Variants in CACNA2D3 observed in about 807,000 individuals in gnomAD.
CACNA2D3 encodes the protein calcium voltage-gated channel auxiliary subunit alpha2delta 3, also known as voltage-dependent calcium channel subunit alpha-2/delta-3.
CACNA2D3 carries 60 observed loss-of-function variants against 160.6 expected under a neutral mutation model. The ratio of observed to expected loss-of-function variants is 0.37; its 90% CI spans 0.30 to 0.46. The LOEUF is 0.46. Among genes scored for constraint, CACNA2D3 ranks in the 20% least tolerant of loss-of-function variants. CACNA2D3 has a pLI of 1.00. For synonymous variants in CACNA2D3, 558 were observed against 492.9 expected, an observed-to-expected ratio of 1.13 and a Z score of -1.75; for missense variants, 1,205 against 1,365.0, an observed-to-expected ratio of 0.88 and a Z score of 1.85.
At chr3:54,468,294 G>A (rs1700664720) in intron 4 of CACNA2D3, among the ~76,000 whole-genome samples, 1 of 152,200 alleles carries the variant, frequency 6.6e-6, no homozygotes, top group Non-Finnish European at 1.5e-5. Flanking sequence ...AGCTGAAGCA[G>A]AGTAGGGCTT....
In CACNA2D3 at chr3:54,231,955, T is replaced by C. The variant is rs543740050; in HGVS notation, c.205-88487T>C. On this transcript the variant is annotated intron_variant, in intron 2 of 37. Transcript: ENST00000474759. ...GGCCCTTGGCGCAGCTGCCGTTGCT[T>C]GTTCCCACATGGTATGGCTTGGCTC... 2.6e-3 allele frequency among the ~76,000 whole-genome samples: 394 copies of C among 152,326 alleles called. 3 individuals are homozygous for C. Among genetic ancestry groups the C allele is most frequent in the African/African-American group, 8.6e-3 (359 of 41,574 alleles).
chr3:54,603,586 A>G (rs1015701300), intron 9 of CACNA2D3, among the ~76,000 whole-genome samples: 1 of 152,188 alleles, frequency 6.6e-6, no homozygotes, highest in African/African-American at 2.4e-5. Flanking sequence ...GTATGGTCTA[A>G]GCTGGCAAGT....
intron 3 of CACNA2D3, among the ~76,000 whole-genome samples, chr3:54,330,945 AGAT>A (rs1044331172): frequency 3.0e-4 from 45 of 152,238 alleles, no homozygotes; most frequent in African/African-American, 1.1e-3. Context: ...GATTTGGTAG[AGAT>A]GATTTTTTTT....
At chr3:54,754,285 C>T (rs1362058545) in intron 12 of CACNA2D3, among the ~76,000 whole-genome samples, 2 of 152,120 alleles carry the variant, frequency 1.3e-5, no homozygotes, top group African/African-American at 4.8e-5. Context: ...TCCTTGTATC[C>T]AAGTCGTATC....
At chr3:54,215,278 A>T (rs1701440526) in intron 2 of CACNA2D3, among the ~76,000 whole-genome samples, 1 of 152,220 alleles carries the variant, frequency 6.6e-6, no homozygotes, top group Non-Finnish European at 1.5e-5. Flanking sequence ...TACATTATGA[A>T]ATGATTAAAG....
chr3:54,628,302 AGAGT>A (rs1455881049), intron 10 of CACNA2D3, among the ~76,000 whole-genome samples: 1 of 152,206 alleles, frequency 6.6e-6, no homozygotes, highest in African/African-American at 2.4e-5. Flanking sequence ...ATGGGACGGG[AGAGT>A]GAGACTGGCT....
At chr3:54,621,234 A>C (rs1698981105) in intron 9 of CACNA2D3, among the ~76,000 whole-genome samples, 1 of 152,260 alleles carries the variant, frequency 6.6e-6, no homozygotes, top group African/African-American at 2.4e-5. Context: ...AGACAGGAAA[A>C]AAAACATGAT....
Position 54,832,418 on chromosome 3 carries a change from T to G in CACNA2D3, c.1399-4741T>G, listed in dbSNP as rs528055239. On this transcript the variant is annotated intron_variant, in intron 14 of 37. Transcript: ENST00000474759. ...GTGAAGAGGACTTTCCTAAAGGAAG[T>G]GGGTGATACCTGCAGAAGAAGGAAA... is the stretch of plus-strand genomic sequence containing the variant. Among the ~76,000 whole-genome samples the G allele has an allele frequency of 2.6e-5, 4 of 152,286 alleles. No individual in the cohort carries two copies. In the South Asian group the frequency reaches 8.3e-4, roughly 32 times the overall value.
At chr3:54,192,283 G>T in intron 2 of CACNA2D3, among the ~76,000 whole-genome samples, 1 of 152,084 alleles carries the variant, frequency 6.6e-6, no homozygotes, top group Non-Finnish European at 1.5e-5. Context: ...TATCACTGTG[G>T]AGAGTTTATG....
chr3:55,021,263 T>G (rs1703437949), intron 35 of CACNA2D3, among the ~76,000 whole-genome samples: 1 of 152,132 alleles, frequency 6.6e-6, no homozygotes, highest in Non-Finnish European at 1.5e-5. Flanking sequence ...ACTGCCTGTT[T>G]CATCTCATTT....
intron 31 of CACNA2D3, among the ~76,000 whole-genome samples, chr3:55,003,391 G>A (rs1703024377): frequency 6.6e-6 from 1 of 152,152 alleles, no homozygotes; most frequent in African/African-American, 2.4e-5. Flanking sequence ...ACTGGAACAT[G>A]TGTAGGGGCA....
chr3:54,569,440 T>TCC lies in CACNA2D3; in HGVS notation c.677-350_677-349dup, dbSNP rs34345111. ...ACTCTGCCCAGAGATCTATGGATGA[T>TCC]CCCCCCAGGTGCAACAACTTGCTGG... is the stretch of plus-strand genomic sequence containing the variant. On this transcript the variant is annotated intron_variant, in intron 6 of 37. Transcript: ENST00000474759. Among the ~76,000 whole-genome samples, 1,355 of 152,016 alleles carry TCC rather than the reference T, an allele frequency of 8.9e-3. 20 individuals are homozygous for TCC. The highest frequency in any genetic ancestry group is 0.029 in the African/African-American group (1,183 of 41,478).
chr3:54,748,244 G>T (rs1014396125), intron 11 of CACNA2D3, among the ~76,000 whole-genome samples: 25 of 152,242 alleles, frequency 1.6e-4, no homozygotes, highest in Non-Finnish European at 3.1e-4. Context: ...TAATTTTAAT[G>T]GCTGCAGAAA....
intron 27 of CACNA2D3, among the ~76,000 whole-genome samples, chr3:54,922,801 T>C (rs1700891456): frequency 6.6e-6 from 1 of 151,798 alleles, no homozygotes; most frequent in Non-Finnish European, 1.5e-5. Flanking sequence ...ATTGACCACC[T>C]CCCCAACACA....
chr3:54,919,935 G>A (rs957647326), intron 27 of CACNA2D3, among the ~76,000 whole-genome samples: 1 of 152,142 alleles, frequency 6.6e-6, no homozygotes, highest in African/African-American at 2.4e-5. Flanking sequence ...CCTCTCAGGA[G>A]CGTTGTGAGG....
At chr3:54,638,516 C>T (rs1244872698) in intron 10 of CACNA2D3, 1 of 151,874 alleles carries the variant, frequency 6.6e-6, no homozygotes, top group East Asian at 1.9e-4. Context: ...TGGGACCTAG[C>T]TCGGCCTGGC....
At chr3:54,758,569 G>A (rs1400874368) in intron 12 of CACNA2D3, among the ~76,000 whole-genome samples, 3 of 152,208 alleles carry the variant, frequency 2.0e-5, no homozygotes, top group African/African-American at 7.2e-5. Flanking sequence ...ATAGAAATAA[G>A]TGTTTTTTTC....
At chr3:54,130,881 G>A (rs747293347) in intron 2 of CACNA2D3, among the ~76,000 whole-genome samples, 17 of 152,212 alleles carry the variant, frequency 1.1e-4, no homozygotes, top group Non-Finnish European at 2.2e-4. Flanking sequence ...AGTCAGATGG[G>A]CTTGGATTTG....
chr3:54,539,226 A>G (rs1034624325), intron 5 of CACNA2D3, among the ~76,000 whole-genome samples: 1 of 152,208 alleles, frequency 6.6e-6, no homozygotes, highest in Non-Finnish European at 1.5e-5. Context: ...AAGTGTGCAT[A>G]ATAGGACCTT....
Sources: gnomAD v4.1 joint callset for allele counts (sites outside exome capture counted in the v4.1 genomes callset) on GRCh38, gnomAD v4.1.1 for gene constraint, MANE v1.5 for transcripts, NCBI Gene and HGNC (gene_info 2026-07-23, HGNC 2026-07-21) for gene names.